The following ITGA1 variants were observed in gnomAD, a reference collection of about 807,000 sequenced individuals.
ITGA1 encodes the protein integrin subunit alpha 1.
A neutral mutation model predicts 145.9 loss-of-function variants in ITGA1; 85 were observed. The observed-to-expected ratio is 0.58, with a 90% CI of 0.49 to 0.70. The LOEUF is 0.70. ITGA1 is among the 30% of genes least tolerant of loss of function. The pLI, the probability that ITGA1 is intolerant of heterozygous loss-of-function variation, is 0.00. For synonymous variants in ITGA1, 520 were observed against 495.3 expected (o/e 1.05, Z -0.66); for missense variants, 1,351 against 1,418.7 (o/e 0.95, Z 0.77).
intron 11 of ITGA1, among the ~76,000 whole-genome samples, chr5:52,900,467 C>G (rs985461628): frequency 2.0e-5 from 3 of 152,176 alleles, no homozygotes; most frequent in Middle Eastern, 3.4e-3. Flanking sequence ...GCCAAGTGAA[C>G]AATGATTTCC....
intron 28 of ITGA1, among the ~76,000 whole-genome samples, chr5:52,950,020 A>G (rs1751195030): frequency 6.6e-6 from 1 of 152,216 alleles, no homozygotes; most frequent in African/African-American, 2.4e-5. Context: ...TCACTTTCAA[A>G]AGACACAGTC....
At chr5:52,909,408 G>A (rs1024744081) in intron 13 of ITGA1, among the ~76,000 whole-genome samples, 34 of 152,026 alleles carry the variant, frequency 2.2e-4, no homozygotes, top group Non-Finnish European at 3.7e-4. Context: ...TAGGGTGGAG[G>A]GGGAGAAGTC....
chr5:52,924,425 A>G (rs892226308), intron 18 of ITGA1, among the ~76,000 whole-genome samples: 12 of 152,166 alleles, frequency 7.9e-5, no homozygotes, highest in African/African-American at 2.9e-4. Flanking sequence ...AGTCCTGAGC[A>G]TGAAGGAAAC....
intron 6 of ITGA1, among the ~76,000 whole-genome samples, chr5:52,868,386 C>T (rs112009116): frequency 1.3e-4 from 20 of 152,254 alleles, no homozygotes; most frequent in African/African-American, 4.8e-4. Context: ...ATGCCAGTGA[C>T]TCCATTTTGT....
At position 52,801,300 on chromosome 5, in the gene ITGA1, G is replaced by C; in HGVS notation, c.61+12886G>C. The C allele has an allele frequency of 5.2e-6, 6 of 1,144,406 alleles. No individual in the cohort carries two copies. The South Asian group carries it at 9.2e-5, about 18-fold the overall frequency. The allele number at this position is 1,144,406 out of a possible 1,614,324, so 70.9% of individuals were successfully genotyped here. ...CTAGCAAATTTATGGAGTAAACTTCGCTGAAACATATGAAGCCTTACTAGC... is the reference window on the plus strand; with the variant it reads ...CTAGCAAATTTATGGAGTAAACTTCCCTGAAACATATGAAGCCTTACTAGC... On this transcript the variant is annotated intron_variant, in intron 1 of 28. Coordinates refer to ENST00000282588, the MANE Select transcript of ITGA1 (RefSeq NM_181501.2).
chr5:52,890,104 A>C (rs1414485976), intron 8 of ITGA1: 6 of 152,116 alleles, frequency 3.9e-5, no homozygotes, highest in African/African-American at 1.4e-4. Flanking sequence ...TGGACCTACC[A>C]CCCAAATTGA....
intron 11 of ITGA1, among the ~76,000 whole-genome samples, chr5:52,900,136 C>T (rs1300727971): frequency 6.6e-6 from 1 of 152,070 alleles, no homozygotes; most frequent in Non-Finnish European, 1.5e-5. Context: ...TGTGCTATGA[C>T]ACAGAATACC....
At chr5:52,840,919 C>A (rs1164357570) in intron 1 of ITGA1, among the ~76,000 whole-genome samples, 1 of 152,136 alleles carries the variant, frequency 6.6e-6, no homozygotes, top group African/African-American at 2.4e-5. Context: ...CTCCTTTCCA[C>A]CAGACACAGA....
At chr5:52,801,779 T>C (rs764390718) in intron 1 of ITGA1, 1 of 1,614,046 alleles carries the variant, frequency 6.2e-7, no homozygotes, top group South Asian at 1.1e-5. Context: ...GCTGCCATTC[T>C]CCGCTTCCCT....
chr5:52,890,902 G>A (rs1159804861), intron 8 of ITGA1, among the ~76,000 whole-genome samples: 2 of 152,062 alleles, frequency 1.3e-5, no homozygotes, highest in African/African-American at 4.8e-5. Flanking sequence ...TCCAGCCTTT[G>A]ATAACCACCA....
rs951324257 is a variant in ITGA1 at position 52,953,516 on chromosome 5, G to T, written c.*1065G>T. On this transcript the variant is annotated 3_prime_UTR_variant, in exon 29 of 29. Transcript: ENST00000282588. ...ACCACACTTCTTATTTTTTTGAAAA[G>T]ACAATTTTCCATTTCAGTATTACAT... 1.3e-5 allele frequency: 2 copies of T among 152,048 alleles called. No individual in the cohort carries two copies. The highest frequency in any genetic ancestry group is 2.9e-5 in the Non-Finnish European group (2 of 68,004). The allele number at this position is 152,048 out of a possible 1,614,324, so 9.4% of individuals were successfully genotyped here.
In ITGA1 at chr5:52,898,137, A is replaced by G. The variant is rs1008956036; in HGVS notation, c.1165-102A>G. On this transcript the variant is annotated intron_variant, in intron 10 of 28. Transcript: ENST00000282588. ...AGGATTATATAAGCTAACAAATGTA[A>G]AGCACTTTGAACAGTATACCTATAC... 7.7e-6 allele frequency: 5 copies of G among 646,418 alleles called. No homozygotes were observed. In the African/African-American group the frequency reaches 9.3e-5, roughly 12 times the overall value. 40.0% of individuals were successfully genotyped at this position (646,418 alleles called of 1,614,324 possible).
intron 26 of ITGA1, among the ~76,000 whole-genome samples, chr5:52,941,678 C>T (rs966880882): frequency 2.0e-5 from 3 of 152,094 alleles, no homozygotes; most frequent in Non-Finnish European, 4.4e-5. Flanking sequence ...GGATATTAGA[C>T]CTTTGTCAGA....
Position 52,818,002 on chromosome 5 carries a change from C to T in ITGA1, c.61+29588C>T, listed in dbSNP as rs114009936. Among the ~76,000 whole-genome samples, 1,034 of 152,186 alleles carry T rather than the reference C, an allele frequency of 6.8e-3. 12 individuals carry two copies. The highest frequency in any genetic ancestry group is 0.024 in the African/African-American group (982 of 41,526). ...AATAGTAAATAATAGGATATGATTG[C>T]GTTCCCATAAAACTTTATTTACATA... is the stretch of plus-strand genomic sequence containing the variant. On this transcript the variant is annotated intron_variant, in intron 1 of 28. Transcript: ENST00000282588.
chr5:52,864,192 C>T (rs377415021), intron 3 of ITGA1, among the ~76,000 whole-genome samples: 3 of 152,174 alleles, frequency 2.0e-5, no homozygotes, highest in African/African-American at 7.2e-5. Flanking sequence ...CAGGACCCAA[C>T]ATTCCCTTCA....
intron 1 of ITGA1, among the ~76,000 whole-genome samples, chr5:52,792,412 G>A (rs994983787): frequency 7.9e-5 from 12 of 152,136 alleles, no homozygotes; most frequent in African/African-American, 1.4e-4. Context: ...ATGAATTCAC[G>A]GGATTTTTGT....
chr5:52,911,006 C>A (rs62638855), intron 14 of ITGA1, among the ~76,000 whole-genome samples: 1 of 21,732 alleles, frequency 4.6e-5, no homozygotes, highest in Non-Finnish European at 9.3e-5. Flanking sequence ...AGTATGTATA[C>A]TGTATATACT....
intron 6 of ITGA1, among the ~76,000 whole-genome samples, chr5:52,869,500 G>A (rs1749744232): frequency 6.6e-6 from 1 of 152,094 alleles, no homozygotes; most frequent in Admixed American, 6.5e-5. Flanking sequence ...GAGAAACACT[G>A]GACTAAGGCA....
At chr5:52,839,252 A>C (rs1460098029) in intron 1 of ITGA1, among the ~76,000 whole-genome samples, 5 of 152,240 alleles carry the variant, frequency 3.3e-5, no homozygotes, top group Non-Finnish European at 1.5e-5. Flanking sequence ...TATTTCTAAA[A>C]AACTTTTTAC....
Sources: gnomAD v4.1 joint callset for allele counts (sites outside exome capture counted in the v4.1 genomes callset) on GRCh38, gnomAD v4.1.1 for gene constraint, MANE v1.5 for transcripts, NCBI Gene and HGNC (gene_info 2026-07-23, HGNC 2026-07-21) for gene names.